Variants in DTYMK observed in about 807,000 individuals in gnomAD.
The protein encoded by DTYMK is deoxythymidylate kinase.
Under a neutral mutation model 20.3 loss-of-function variants are expected in DTYMK, and 20 were observed. The observed-to-expected ratio is 0.99, with a 90% confidence interval of 0.69 to 1.43. The LOEUF is 1.43. DTYMK is among the 40% of genes most tolerant of loss of function. DTYMK has a pLI of 0.00. For synonymous variants in DTYMK, 148 were observed against 124.4 expected (o/e 1.19, Z -1.27); for missense variants, 320 against 291.1 (o/e 1.10, Z -0.72).
chr2:241,681,246 T>A (rs2069251408), intron 2 of DTYMK, among the ~76,000 whole-genome samples: 1 of 152,198 alleles, frequency 6.6e-6, no homozygotes, highest in Non-Finnish European at 1.5e-5. Context: ...GGCACCCACA[T>A]AAGGAGTCAA....
At chr2:241,676,518 G>T (rs527823831) in intron 4 of DTYMK, among the ~76,000 whole-genome samples, 2 of 152,212 alleles carry the variant, frequency 1.3e-5, no homozygotes, top group Admixed American at 1.3e-4. Flanking sequence ...CACACAGGCC[G>T]GGCTCTGGAA....
At chr2:241,679,955 TGA>T (rs1478529681) in intron 3 of DTYMK, among the ~76,000 whole-genome samples, 4 of 134,882 alleles carry the variant, frequency 3.0e-5, no homozygotes, top group Admixed American at 8.3e-5. Flanking sequence ...GGTGACAGAA[TGA>T]GAGACTGTCT....
intron 2 of DTYMK, chr2:241,682,321 A>T (rs1350038955): frequency 2.4e-6 from 1 of 418,850 alleles, no homozygotes; most frequent in Admixed American, 2.8e-5. Flanking sequence ...CCTGCATGAC[A>T]CAGAGACCCT....
chr2:241,684,358 C>A (rs1423307846), intron 2 of DTYMK, among the ~76,000 whole-genome samples: 1 of 152,220 alleles, frequency 6.6e-6, no homozygotes, highest in African/African-American at 2.4e-5. Context: ...AAAATGGTCT[C>A]ATTTTCATTT....
chr2:241,680,288 C>T lies in DTYMK; in HGVS notation c.271G>A (p.Val91Met), dbSNP rs372538203. ...PLIKEKLSQG[V>M]TLVVDRYAFS... is the part of the protein sequence containing the mutation. ...GCGTATCTGTCCACGACGAGGGTCACGCCCTGGCTCAACTTTTCCTTAATT... is the reference window on the plus strand; with the variant it reads ...GCGTATCTGTCCACGACGAGGGTCATGCCCTGGCTCAACTTTTCCTTAATT... The change falls in exon 3 of 5, where the codon GTG (valine) becomes ATG (methionine). Residue 91 changes from valine (V) to methionine (M), a missense_variant. Physicochemically the swap from Val to Met is conservative, Grantham distance 21. Transcript: ENST00000305784. 1.4e-5 allele frequency: 23 copies of T among 1,614,032 alleles called. No homozygotes were observed. Among genetic ancestry groups the T allele is most frequent in the South Asian group, 2.2e-5 (2 of 91,096 alleles).
chr2:241,678,704 G>C, intron 3 of DTYMK, 55 bp from the exon 4 acceptor site: 1 of 1,587,432 alleles, frequency 6.3e-7, no homozygotes, highest in Non-Finnish European at 8.6e-7. Context: ...TTTTTGTTTC[G>C]AAAGTCGTAA....
chr2:241,685,436 C>T (rs781475973), intron 2 of DTYMK: 12 of 185,170 alleles, frequency 6.5e-5, no homozygotes, highest in Admixed American at 3.0e-4. Context: ...GGGAGGCTGA[C>T]GCAGGAGAAT....
intron 2 of DTYMK, among the ~76,000 whole-genome samples, chr2:241,683,927 C>T (rs1001705324): frequency 9.2e-5 from 14 of 151,972 alleles, no homozygotes; most frequent in African/African-American, 3.1e-4. Context: ...CATGGTCGTA[C>T]GCGCCTGTAA....
At chr2:241,684,600 A>C (rs2069336065) in intron 2 of DTYMK, 9 of 370,656 alleles carry the variant, frequency 2.4e-5, no homozygotes, top group South Asian at 1.7e-4. Context: ...AGTTAGAAAG[A>C]AAGCTGCCAA....
chr2:241,686,204 T>C (rs921917275), intron 1 of DTYMK, among the ~76,000 whole-genome samples: 1 of 152,204 alleles, frequency 6.6e-6, no homozygotes, highest in South Asian at 2.1e-4. Context: ...CTTTTAAATA[T>C]ATGCTATAAA....
At chr2:241,686,629 C>G (rs1479016613) in intron 1 of DTYMK, 25 bp downstream of exon 1, 1 of 1,481,102 alleles carries the variant, frequency 6.8e-7, no homozygotes, top group African/African-American at 1.5e-5. Context: ...AAGGCCGCGG[C>G]GCACCCCCCG....
intron 3 of DTYMK, 79 bp downstream of exon 3, chr2:241,680,150 G>T: frequency 7.6e-7 from 1 of 1,314,330 alleles, no homozygotes; most frequent in Non-Finnish European, 1.1e-6. Flanking sequence ...TCTGAGGCAT[G>T]TCACTCGTAC....
intron 2 of DTYMK, chr2:241,684,886 G>C (rs2069344019): frequency 2.5e-6 from 1 of 392,892 alleles, no homozygotes; most frequent in South Asian, 2.0e-5. Flanking sequence ...GGGAAGGCAG[G>C]GGTAGTATGT....
chr2:241,675,935 C>T lies in DTYMK; in HGVS notation c.*192G>A. On this transcript the variant is annotated 3_prime_UTR_variant, in exon 5 of 5. Coordinates refer to ENST00000305784, the MANE Select transcript of DTYMK (RefSeq NM_012145.4). ...CATCGCTCTGCTCATGTCCACACTGCCAAGGTCCCCACCACGGGGGTCCCC... is the reference window on the plus strand; with the variant it reads ...CATCGCTCTGCTCATGTCCACACTGTCAAGGTCCCCACCACGGGGGTCCCC... The T allele has an allele frequency of 1.8e-6, 1 of 549,706 alleles. No homozygotes were observed. The highest frequency in any genetic ancestry group is 2.4e-5 in the South Asian group (1 of 42,094). The allele number at this position is 549,706 out of a possible 1,614,324, so 34.1% of individuals were successfully genotyped here.
In DTYMK at chr2:241,685,688, A is replaced by T. The variant is rs1575109385; in HGVS notation, c.239+81T>A. 28 of 1,418,048 alleles carry T rather than the reference A, an allele frequency of 2.0e-5. No homozygotes were observed. In the East Asian group the frequency reaches 6.2e-4, roughly 31 times the overall value. The allele number at this position is 1,418,048 out of a possible 1,614,324, so 87.8% of individuals were successfully genotyped here. On this transcript the variant is annotated intron_variant, in intron 2 of 4. Coordinates refer to ENST00000305784, the MANE Select transcript of DTYMK (RefSeq NM_012145.4). ...CCCAGCACTACTGTCACTGTCATTC[A>T]GAATCGAGTGCTGCGTTCACTGAAT...
intron 2 of DTYMK, among the ~76,000 whole-genome samples, chr2:241,682,559 A>G (rs966472120): frequency 3.3e-5 from 5 of 152,218 alleles, no homozygotes; most frequent in African/African-American, 1.2e-4. Flanking sequence ...AGGCGGAGGC[A>G]GGCTCATCAC....
chr2:241,681,713 T>C (rs1371652049), intron 2 of DTYMK, among the ~76,000 whole-genome samples: 1 of 152,116 alleles, frequency 6.6e-6, no homozygotes, highest in Non-Finnish European at 1.5e-5. Flanking sequence ...ACGAAAATAA[T>C]AACTTTGTGC....
At chr2:241,681,868 A>AC (rs1453864988) in intron 2 of DTYMK, 1 of 179,404 alleles carries the variant, frequency 5.6e-6, no homozygotes, top group Non-Finnish European at 1.2e-5. Context: ...CAATAGTGAG[A>AC]CCCCATCTCT....
intron 2 of DTYMK, among the ~76,000 whole-genome samples, chr2:241,681,460 CAGG>C (rs1409460547): frequency 1.3e-5 from 2 of 152,180 alleles, no homozygotes; most frequent in Non-Finnish European, 2.9e-5. Context: ...GAGGCAGAGG[CAGG>C]AGGATTGCTT....
Sources: gnomAD v4.1 joint callset for allele counts (sites outside exome capture counted in the v4.1 genomes callset) on GRCh38, gnomAD v4.1.1 for gene constraint, MANE v1.5 for transcripts, NCBI Gene and HGNC (gene_info 2026-07-23, HGNC 2026-07-21) for gene names.